CNTN4: variants seen among roughly 807,000 people sequenced by gnomAD.
CNTN4 encodes the protein contactin 4.
CNTN4 carries 77 observed loss-of-function variants against 122.5 expected under a neutral mutation model. That is an observed-to-expected ratio of 0.63 (90% CI 0.52 to 0.76). The LOEUF is 0.76. Among genes scored for constraint, CNTN4 ranks in the 30% least tolerant of loss-of-function variants. The pLI, the probability that CNTN4 is intolerant of heterozygous loss-of-function variation, is 0.00. For synonymous variants in CNTN4, 512 were observed against 447.0 expected (o/e 1.15, Z -1.83); for missense variants, 1,256 against 1,259.1 (o/e 1.00, Z 0.04).
rs1292093638 is a variant in CNTN4 at position 2,484,215 on chromosome 3, A to G, written c.-88-87201A>G. On this transcript the variant is annotated intron_variant, in intron 3 of 24. Coordinates refer to ENST00000418658, the MANE Select transcript of CNTN4 (RefSeq NM_175607.3). ...ATTATATGAAAAGATGCTACACACCATATGTCATCAGAGAAATGAAAATAA... is the reference window on the plus strand; with the variant it reads ...ATTATATGAAAAGATGCTACACACCGTATGTCATCAGAGAAATGAAAATAA... Among the ~76,000 whole-genome samples the G allele has an allele frequency of 3.3e-5, 5 of 152,240 alleles. No individual in the cohort carries two copies. The South Asian group carries it at 6.2e-4, about 19-fold the overall frequency.
chr3:2,351,730 C>T (rs2044631599), intron 3 of CNTN4, among the ~76,000 whole-genome samples: 1 of 150,016 alleles, frequency 6.7e-6, no homozygotes, highest in Non-Finnish European at 1.5e-5. Context: ...GAAAGCAAAC[C>T]ATAGATAAGA....
chr3:2,427,108 T>C (rs1310400425), intron 3 of CNTN4, among the ~76,000 whole-genome samples: 1 of 152,206 alleles, frequency 6.6e-6, no homozygotes, highest in Non-Finnish European at 1.5e-5. Context: ...TCTTGCCTTC[T>C]GCTAGCTTTT....
chr3:2,760,629 G>T (rs778064074), intron 6 of CNTN4, among the ~76,000 whole-genome samples: 2 of 152,288 alleles, frequency 1.3e-5, no homozygotes, highest in East Asian at 3.9e-4. Context: ...GCTGTTAATA[G>T]TACCTTAAGA....
intron 2 of CNTN4, among the ~76,000 whole-genome samples, chr3:2,122,377 T>C (rs2033861246): frequency 6.6e-6 from 1 of 152,118 alleles, no homozygotes; most frequent in Non-Finnish European, 1.5e-5. Flanking sequence ...TCTGAATGCT[T>C]ACTATAAAAA....
chr3:2,627,744 CG>C (rs1559322295), intron 4 of CNTN4, among the ~76,000 whole-genome samples: 2 of 152,074 alleles, frequency 1.3e-5, no homozygotes, highest in Non-Finnish European at 2.9e-5. Context: ...CTGCCCGCCT[CG>C]GCCTCCCAAA....
intron 3 of CNTN4, among the ~76,000 whole-genome samples, chr3:2,538,251 C>A (rs1350925000): frequency 1.3e-5 from 2 of 152,054 alleles, no homozygotes; most frequent in Admixed American, 6.6e-5. Flanking sequence ...GGGAACATGG[C>A]CCCACTGACA....
chr3:2,186,940 A>G (rs1252839417), intron 2 of CNTN4, among the ~76,000 whole-genome samples: 8 of 152,068 alleles, frequency 5.3e-5, no homozygotes, highest in Non-Finnish European at 8.8e-5. Flanking sequence ...ATTAGATCTC[A>G]TTTGTCAATT....
At chr3:2,155,815 A>G (rs558712930) in intron 2 of CNTN4, among the ~76,000 whole-genome samples, 6 of 152,204 alleles carry the variant, frequency 3.9e-5, no homozygotes, top group African/African-American at 4.8e-5. Flanking sequence ...AATACCTCCA[A>G]ATGATTCTTG....
chr3:2,631,595 C>T (rs1447447359), intron 4 of CNTN4, among the ~76,000 whole-genome samples: 1 of 151,458 alleles, frequency 6.6e-6, no homozygotes. Flanking sequence ...TACCAGGTAC[C>T]ATATTAAGGG....
chr3:2,556,571 TGTTAACA>T (rs1443309861), intron 3 of CNTN4, among the ~76,000 whole-genome samples: 2 of 152,178 alleles, frequency 1.3e-5, no homozygotes, highest in Admixed American at 6.5e-5. Flanking sequence ...CAAATTATAC[TGTTAACA>T]GCTCGGCCCT....
Position 2,536,808 on chromosome 3 carries a change from A to G in CNTN4, c.-88-34608A>G, listed in dbSNP as rs111477638. ...TAGTCTCTTCTTTCTGTACTTCACA[A>G]TGCAACATTTGATATTGAGTAGATG... On this transcript the variant is annotated intron_variant, in intron 3 of 24. Coordinates refer to ENST00000418658, the MANE Select transcript of CNTN4 (RefSeq NM_175607.3). Among the ~76,000 whole-genome samples the G allele has an allele frequency of 2.1e-3, 315 of 152,236 alleles. 1 individual carries two copies. The highest frequency in any genetic ancestry group is 7.1e-3 in the African/African-American group (294 of 41,554).
intron 6 of CNTN4, among the ~76,000 whole-genome samples, chr3:2,763,922 T>G (rs2090717564): frequency 6.6e-6 from 1 of 152,154 alleles, no homozygotes; most frequent in Non-Finnish European, 1.5e-5. Context: ...GCATGATGCC[T>G]CCAGCTTTGT....
At chr3:2,933,080 C>G (rs980044397) in intron 13 of CNTN4, among the ~76,000 whole-genome samples, 41 of 152,200 alleles carry the variant, frequency 2.7e-4, no homozygotes, top group Admixed American at 4.6e-4. Context: ...CCTCGGCCTC[C>G]CAAAGTGCTG....
intron 7 of CNTN4, among the ~76,000 whole-genome samples, chr3:2,823,526 T>G (rs975803262): frequency 1.3e-5 from 2 of 152,190 alleles, no homozygotes; most frequent in African/African-American, 4.8e-5. Flanking sequence ...TTTTTACCAT[T>G]AAATATAAGA....
intron 6 of CNTN4, among the ~76,000 whole-genome samples, chr3:2,779,820 A>G (rs988055847): frequency 1.3e-5 from 2 of 152,156 alleles, no homozygotes; most frequent in African/African-American, 2.4e-5. Context: ...TGAGGGGGAA[A>G]ATTCTTAGGA....
At chr3:2,918,020 A>T (rs529311350) in intron 12 of CNTN4, among the ~76,000 whole-genome samples, 45 of 152,280 alleles carry the variant, frequency 3.0e-4, no homozygotes, top group African/African-American at 1.1e-3. Context: ...ATTTGTACTT[A>T]GTGTAAGGCG....
intron 12 of CNTN4, among the ~76,000 whole-genome samples, chr3:2,918,449 C>T (rs570307506): frequency 6.6e-6 from 1 of 152,234 alleles, no homozygotes; most frequent in Non-Finnish European, 1.5e-5. Context: ...GTGCACTTGC[C>T]CTGTTACCTT....
rs535856247 is a variant in CNTN4 at position 2,473,284 on chromosome 3, C to T, written c.-88-98132C>T. Reference sequence around the variant, plus strand: ...CCAGCATTACTCTCCTGCTGTACTACGATAGCATCTTCACTAGTCTCCCTG... The same window carrying T: ...CCAGCATTACTCTCCTGCTGTACTATGATAGCATCTTCACTAGTCTCCCTG... On this transcript the variant is annotated intron_variant, in intron 3 of 24. Coordinates refer to ENST00000418658, the MANE Select transcript of CNTN4 (RefSeq NM_175607.3). 1.1e-3 allele frequency among the ~76,000 whole-genome samples: 166 copies of T among 150,530 alleles called. 1 individual carries two copies. The highest frequency in any genetic ancestry group is 9.0e-4 in the Non-Finnish European group (61 of 67,564).
At chr3:2,985,983 C>T (rs953089480) in intron 13 of CNTN4, among the ~76,000 whole-genome samples, 3 of 147,366 alleles carry the variant, frequency 2.0e-5, no homozygotes, top group Non-Finnish European at 4.4e-5. Context: ...GGTGCCATCT[C>T]GGCTCACTGC....
Sources: allele counts gnomAD v4.1 joint callset (sites outside exome capture counted in the v4.1 genomes callset), GRCh38; gene constraint gnomAD v4.1.1; transcripts MANE v1.5; gene names NCBI Gene and HGNC (gene_info 2026-07-23, HGNC 2026-07-21).